ACSS3: variants seen among roughly 807,000 people sequenced by gnomAD.
The protein encoded by ACSS3 is acyl-CoA synthetase short chain family member 3.
Under a neutral mutation model 84.2 loss-of-function variants are expected in ACSS3, and 64 were observed. The ratio of observed to expected loss-of-function variants is 0.76; its 90% CI spans 0.62 to 0.94. ACSS3 has a LOEUF of 0.94. ACSS3 is among the 40% of genes least tolerant of loss of function. The pLI, the probability that ACSS3 is intolerant of heterozygous loss-of-function variation, is 0.00. For synonymous variants in ACSS3, 317 were observed against 310.1 expected, an observed-to-expected ratio of 1.02 and a Z score of -0.23; for missense variants, 815 against 867.6, an observed-to-expected ratio of 0.94 and a Z score of 0.76.
chr12:81,188,453 C>T (rs1260517659), intron 8 of ACSS3, among the ~76,000 whole-genome samples: 2 of 151,976 alleles, frequency 1.3e-5, no homozygotes, highest in Admixed American at 6.6e-5. Flanking sequence ...TTGAACACAT[C>T]CAGATCAAGA....
chr12:81,224,083 T>C (rs1490308848), intron 11 of ACSS3, among the ~76,000 whole-genome samples: 5 of 152,124 alleles, frequency 3.3e-5, no homozygotes, highest in Admixed American at 2.6e-4. Flanking sequence ...CTAAGAGGAC[T>C]CTCAATTCAT....
At chr12:81,215,751 T>C (rs1213740920) in intron 9 of ACSS3, among the ~76,000 whole-genome samples, 1 of 152,202 alleles carries the variant, frequency 6.6e-6, no homozygotes, top group African/African-American at 2.4e-5. Flanking sequence ...ATATTTTGTA[T>C]TCAAAAGATT....
chr12:81,084,424 C>T lies in ACSS3; in HGVS notation c.311+5993C>T, dbSNP rs1035408005. On this transcript the variant is annotated intron_variant, in intron 1 of 15. Transcript: ENST00000548058. ...ATTACACATAGTGACTTTTTGGCAG[C>T]GGGATGCAGGGAAGTAAAGACATGG... is the stretch of plus-strand genomic sequence containing the variant. Among the ~76,000 whole-genome samples the T allele has an allele frequency of 2.8e-4, 43 of 152,050 alleles. 1 individual carries two copies. Among genetic ancestry groups the T allele is most frequent in the South Asian group, 2.1e-4 (1 of 4,810 alleles).
intron 9 of ACSS3, among the ~76,000 whole-genome samples, chr12:81,211,854 A>G (rs1016997796): frequency 6.6e-6 from 1 of 152,002 alleles, no homozygotes; most frequent in Non-Finnish European, 1.5e-5. Context: ...CCTCCTCACT[A>G]TTTCTCTGAC....
chr12:81,166,574 G>C (rs1467483085), intron 7 of ACSS3, among the ~76,000 whole-genome samples: 1 of 152,154 alleles, frequency 6.6e-6, no homozygotes, highest in African/African-American at 2.4e-5. Flanking sequence ...CTAAAGAAGG[G>C]TGACGAGAAG....
chr12:81,134,932 A>G lies in ACSS3; in HGVS notation c.573A>G (p.Ile191Met), dbSNP rs754389221. 6.2e-7 allele frequency: 1 copy of G among 1,607,730 alleles called. No individual in the cohort carries two copies. Among genetic ancestry groups the G allele is most frequent in the Middle Eastern group, 1.7e-4 (1 of 6,040 alleles). Reference sequence around the variant, plus strand: ...ATACCATGTTGGCATGTGCAAGGATAGGTGCCATCCACAGTCTCATATTTG... The same window carrying G: ...ATACCATGTTGGCATGTGCAAGGATGGGTGCCATCCACAGTCTCATATTTG... ...AMYTMLACAR[I>M]GAIHSLIFGG... Residue 191 changes from isoleucine to methionine, a missense_variant, in exon 3 of 16, where the codon ATA (isoleucine) becomes ATG (methionine). Ile to Met is a conservative substitution (Grantham distance 10, BLOSUM62 1). Transcript: ENST00000548058.
intron 13 of ACSS3, among the ~76,000 whole-genome samples, chr12:81,247,120 G>C (rs1053673867): frequency 2.0e-5 from 3 of 151,842 alleles, no homozygotes; most frequent in African/African-American, 7.3e-5. Flanking sequence ...GTTTTTAAAC[G>C]ACTCTAAATT....
At chr12:81,201,202 T>C (rs907978383) in intron 9 of ACSS3, among the ~76,000 whole-genome samples, 5 of 152,240 alleles carry the variant, frequency 3.3e-5, no homozygotes, top group African/African-American at 1.2e-4. Flanking sequence ...ACAGTATTTA[T>C]GTATCCCCTA....
At position 81,131,110 on chromosome 12, in the gene ACSS3, G is replaced by A. The variant is rs553446766; in HGVS notation, c.457-3706G>A. Among the ~76,000 whole-genome samples the A allele has an allele frequency of 4.0e-4, 61 of 152,294 alleles. 2 individuals carry two copies. In the South Asian group the frequency reaches 0.012, roughly 31 times the overall value. The stretch of plus-strand genomic sequence containing the variant: ...GGCTTAGGATTGTCTTAGCAATGCA[G>A]GCTCTTTTTTGTTCCATATGAACAT... On this transcript the variant is annotated intron_variant, in intron 2 of 15. Transcript: ENST00000548058.
At chr12:81,080,291 G>A (rs1225006430) in intron 1 of ACSS3, among the ~76,000 whole-genome samples, 1 of 151,790 alleles carries the variant, frequency 6.6e-6, no homozygotes, top group African/African-American at 2.4e-5. Flanking sequence ...AGCAAGTAGA[G>A]CTTAAGACCA....
chr12:81,179,610 A>C (rs2030773239), intron 8 of ACSS3, among the ~76,000 whole-genome samples: 1 of 152,002 alleles, frequency 6.6e-6, no homozygotes, highest in East Asian at 1.9e-4. Flanking sequence ...CTCTACTGAA[A>C]ATATAAAAAA....
rs181100426 is a variant in ACSS3 at position 81,171,316 on chromosome 12, T to C, written c.1099-3472T>C. Among the ~76,000 whole-genome samples, 185 of 152,302 alleles carry C rather than the reference T, an allele frequency of 1.2e-3. 1 individual carries two copies. Among genetic ancestry groups the C allele is most frequent in the Non-Finnish European group, 2.0e-3 (135 of 68,008 alleles). On this transcript the variant is annotated intron_variant, in intron 7 of 15. Coordinates refer to ENST00000548058, the MANE Select transcript of ACSS3 (RefSeq NM_024560.4). Reference sequence around the variant, plus strand: ...TGTTTACATTATTCAGGGCTTAATATATATGTTAATCATCAGACTATTTTT... The same window carrying C: ...TGTTTACATTATTCAGGGCTTAATACATATGTTAATCATCAGACTATTTTT...
intron 2 of ACSS3, among the ~76,000 whole-genome samples, chr12:81,113,011 T>C (rs1264626947): frequency 6.6e-6 from 1 of 152,162 alleles, no homozygotes; most frequent in Non-Finnish European, 1.5e-5. Context: ...TTAAGGTTTT[T>C]GTACAGAGAT....
intron 7 of ACSS3, among the ~76,000 whole-genome samples, chr12:81,155,280 T>C (rs1343490631): frequency 2.6e-5 from 4 of 152,222 alleles, no homozygotes; most frequent in Non-Finnish European, 5.9e-5. Context: ...AGGATCATAG[T>C]CTTTGCTCTA....
intron 1 of ACSS3, among the ~76,000 whole-genome samples, chr12:81,099,219 C>T (rs912771286): frequency 6.6e-6 from 1 of 151,806 alleles, no homozygotes; most frequent in Non-Finnish European, 1.5e-5. Context: ...GTTGATTCTA[C>T]TTTAGAAAAA....
intron 7 of ACSS3, among the ~76,000 whole-genome samples, chr12:81,172,612 C>T (rs1565703299): frequency 6.6e-6 from 1 of 151,892 alleles, no homozygotes; most frequent in Non-Finnish European, 1.5e-5. Context: ...CTCCAGCCTC[C>T]ACAACAGAGC....
Position 81,078,206 on chromosome 12 carries a change from G to T in ACSS3, c.86G>T (p.Gly29Val). ...GPLPGSSPARGAGAALRALVV... is the reference protein window; with the variant it reads ...GPLPGSSPARVAGAALRALVV... ...TTGCCTGGGTCCTCTCCGGCCCGGG[G>T]AGCCGGTGCGGCCCTCAGGGCTTTA... Residue 29 changes from glycine to valine, a missense_variant, in exon 1 of 16, where the codon GGA (glycine) becomes GTA (valine). Coordinates refer to ENST00000548058, the MANE Select transcript of ACSS3 (RefSeq NM_024560.4). The T allele has an allele frequency of 1.3e-6, 2 of 1,568,984 alleles. No individual in the cohort carries two copies. Among genetic ancestry groups the T allele is most frequent in the Non-Finnish European group, 1.7e-6 (2 of 1,161,168 alleles).
rs764563793 is a variant in ACSS3, at chr12:81,078,451, A to G, written c.311+20A>G. 6 of 1,609,566 alleles carry G rather than the reference A, an allele frequency of 3.7e-6. No homozygotes were observed. The highest frequency in any genetic ancestry group is 3.4e-5 in the Admixed American group (2 of 59,402). Reference sequence around the variant, plus strand: ...CAGGTGGTGAGTGACTTCTGTGCCAACCCTGATCCCCCATCCCTGGTAACT... The same window carrying G: ...CAGGTGGTGAGTGACTTCTGTGCCAGCCCTGATCCCCCATCCCTGGTAACT... On this transcript the variant is annotated intron_variant, in intron 1 of 15. Coordinates refer to ENST00000548058, the MANE Select transcript of ACSS3 (RefSeq NM_024560.4).
intron 8 of ACSS3, among the ~76,000 whole-genome samples, chr12:81,196,107 A>C (rs1050987354): frequency 6.6e-6 from 1 of 152,244 alleles, no homozygotes; most frequent in South Asian, 2.1e-4. Context: ...ATGTACATGC[A>C]TACAGATCCA....
Sources: allele counts gnomAD v4.1 joint callset (sites outside exome capture counted in the v4.1 genomes callset), GRCh38; gene constraint gnomAD v4.1.1; transcripts MANE v1.5; gene names NCBI Gene and HGNC (gene_info 2026-07-23, HGNC 2026-07-21).